Variants in SEC14L1 observed in about 807,000 individuals in gnomAD.
SEC14L1 encodes SEC14-like protein 1.
SEC14L1 carries 48 observed loss-of-function variants against 85.3 expected under a neutral mutation model. The observed-to-expected ratio is 0.56, with a 90% CI of 0.45 to 0.72. The LOEUF (loss-of-function observed/expected upper bound fraction) is 0.72, where lower values mean the gene tolerates loss of function less well. Among genes scored for constraint, SEC14L1 ranks in the 30% least tolerant of loss-of-function variants. The pLI is 0.00. For missense variants in SEC14L1, 682 were observed against 921.4 expected, an observed-to-expected ratio of 0.74 and a Z score of 3.36; for synonymous variants, 391 against 355.5, an observed-to-expected ratio of 1.10 and a Z score of -1.12.
chr17:77,183,683 G>T (rs1975143434), intron 3 of SEC14L1, among the ~76,000 whole-genome samples: 1 of 152,178 alleles, frequency 6.6e-6, no homozygotes, highest in African/African-American at 2.4e-5. Context: ...ACGCATGGTT[G>T]CATTTCCTTG....
At chr17:77,092,951 C>CA (rs35244244) in intron 2 of SEC14L1, among the ~76,000 whole-genome samples, 2,008 of 84,192 alleles carry the variant, frequency 0.024, 31 homozygotes, top group Non-Finnish European at 0.035. Flanking sequence ...AACTCCGTCT[C>CA]AAAAAAAAAA....
chr17:77,206,615 T>C lies in SEC14L1; in HGVS notation c.1342-113T>C. ...AAATAGACTTTACAGAAGAAGTATATAAACTTGAATGTCTTCCCCCCACCC... is the reference window on the plus strand; with the variant it reads ...AAATAGACTTTACAGAAGAAGTATACAAACTTGAATGTCTTCCCCCCACCC... On this transcript the variant is annotated intron_variant, in intron 12 of 16. Coordinates refer to ENST00000436233, the MANE Select transcript of SEC14L1 (RefSeq NM_001143998.2). The surrounding 1 kb of genome is among the most constrained non-coding windows in gnomAD (Gnocchi z 4.3). The C allele has an allele frequency of 4.5e-6, 6 of 1,346,022 alleles. No individual in the cohort carries two copies. The highest frequency in any genetic ancestry group is 6.1e-6 in the Non-Finnish European group (6 of 976,854). 83.4% of individuals were successfully genotyped at this position (1,346,022 alleles called of 1,614,324 possible).
chr17:77,105,381 C>CT (rs1971889417), intron 3 of SEC14L1, among the ~76,000 whole-genome samples: 1 of 111,960 alleles, frequency 8.9e-6, no homozygotes, highest in Non-Finnish European at 1.8e-5. Flanking sequence ...CCACCCCCCC[C>CT]CCCACCCCAC....
Position 77,209,573 on chromosome 17 carries a change from C to A in SEC14L1, c.1611+97C>A. 4.5e-6 allele frequency: 6 copies of A among 1,328,182 alleles called. No homozygotes were observed. In the South Asian group the frequency reaches 8.7e-5, roughly 19 times the overall value. The allele number at this position is 1,328,182 out of a possible 1,614,324, so 82.3% of individuals were successfully genotyped here. ...TGGCAGCCTTTCATTCAGAACAGTC[C>A]ACTCGTTTTTCTGCTCTTTGTCTTT... On this transcript the variant is annotated intron_variant, in intron 14 of 16. Coordinates refer to ENST00000436233, the MANE Select transcript of SEC14L1 (RefSeq NM_001143998.2).
rs566810714 is a variant in SEC14L1, at chr17:77,215,893, G to T, written c.*1870G>T. 1.0e-6 allele frequency: 1 copy of T among 977,882 alleles called. No individual in the cohort carries two copies. The highest frequency in any genetic ancestry group is 1.9e-5 in the African/African-American group (1 of 53,814). The allele number at this position is 977,882 out of a possible 1,614,324, so 60.6% of individuals were successfully genotyped here. A position where few individuals can be genotyped will look rare whatever the true frequency, so the allele number is the denominator to read the frequency against. On this transcript the variant is annotated 3_prime_UTR_variant, in exon 17 of 17. Coordinates refer to ENST00000436233, the MANE Select transcript of SEC14L1 (RefSeq NM_001143998.2). ...TAGGTAGGGTTCGTAGGTAGGGTTC[G>T]TAGGTAGGGCTAGTAGGTAGGGTTA...
chr17:77,212,003 G>T lies in SEC14L1; in HGVS notation c.1665G>T (p.Val555=). 3 of 1,614,124 alleles carry T rather than the reference G, an allele frequency of 1.9e-6. No individual in the cohort carries two copies. The highest frequency in any genetic ancestry group is 1.7e-6 in the Non-Finnish European group (2 of 1,180,036). The change falls in exon 15 of 17, where the codon GTG becomes GTT. Residue 555 remains valine (V), a synonymous_variant. Transcript: ENST00000436233. ...CAGTCATCACTTGGGATTTCGACGT[G>T]TGCAAAGGGGACATTGTGTTTAACA... ...ASSVITWDFD[V]CKGDIVFNIY... is the part of the protein sequence containing the mutation.
intron 3 of SEC14L1, among the ~76,000 whole-genome samples, chr17:77,170,895 T>G (rs1250691696): frequency 6.6e-6 from 1 of 152,192 alleles, no homozygotes; most frequent in Non-Finnish European, 1.5e-5. Flanking sequence ...ATTCCAAACC[T>G]AGGTATAATT....
At chr17:77,091,537 G>A (rs1005328465) in intron 2 of SEC14L1, among the ~76,000 whole-genome samples, 8 of 152,206 alleles carry the variant, frequency 5.3e-5, no homozygotes, top group Non-Finnish European at 7.3e-5. Context: ...ATCCAGAGCA[G>A]CCGCAAGCCA....
At chr17:77,203,010 C>T (rs917797352) in intron 9 of SEC14L1, among the ~76,000 whole-genome samples, 1 of 150,972 alleles carries the variant, frequency 6.6e-6, no homozygotes, top group Non-Finnish European at 1.5e-5. Flanking sequence ...AGAATGTTCT[C>T]ATTTGTCTTG....
At position 77,200,681 on chromosome 17, in the gene SEC14L1, A is replaced by G; in HGVS notation, c.1009+8A>G. 3.7e-6 allele frequency: 6 copies of G among 1,609,130 alleles called. No individual in the cohort carries two copies. The Middle Eastern group carries it at 6.6e-4, about 178-fold the overall frequency. ...GGCATCATCACGACAAAGGTACCGGATGGAGTTGAAACTGTGTTTCCATCG... is the reference window on the plus strand; with the variant it reads ...GGCATCATCACGACAAAGGTACCGGGTGGAGTTGAAACTGTGTTTCCATCG... On this transcript the variant is annotated splice_region_variant and intron_variant, in intron 9 of 16. Coordinates refer to ENST00000436233, the MANE Select transcript of SEC14L1 (RefSeq NM_001143998.2).
At chr17:77,128,697 A>G (rs1184575729) in intron 3 of SEC14L1, among the ~76,000 whole-genome samples, 2 of 151,670 alleles carry the variant, frequency 1.3e-5, no homozygotes, top group African/African-American at 4.8e-5. Flanking sequence ...CAGGTGATCC[A>G]CCTGCCTCGG....
At chr17:77,136,259 CT>C (rs1373779392), upstream of SEC14L1, among the ~76,000 whole-genome samples, 1 of 148,450 alleles carries the variant, frequency 6.7e-6, no homozygotes, top group Admixed American at 6.8e-5. Flanking sequence ...TCCTTTCTTT[CT>C]TTCTCTCTTT....
chr17:77,169,023 T>TC (rs1408698099), intron 3 of SEC14L1, among the ~76,000 whole-genome samples: 1 of 144,432 alleles, frequency 6.9e-6, no homozygotes, highest in African/African-American at 2.6e-5. Flanking sequence ...TTTTTTTTTT[T>TC]TTTTTTTTTT....
chr17:77,157,989 T>C (rs1366495166), intron 3 of SEC14L1, among the ~76,000 whole-genome samples: 1 of 152,074 alleles, frequency 6.6e-6, no homozygotes, highest in Non-Finnish European at 1.5e-5. Flanking sequence ...GTTTATTTAG[T>C]GATGTCCACG....
chr17:77,115,701 T>C (rs1972155464), intron 3 of SEC14L1, among the ~76,000 whole-genome samples: 2 of 152,152 alleles, frequency 1.3e-5, no homozygotes. Flanking sequence ...GAGCATGTTC[T>C]CTTGCTTTCA....
chr17:77,092,951 CAAA>C (rs35244244), intron 2 of SEC14L1, among the ~76,000 whole-genome samples: 29 of 84,442 alleles, frequency 3.4e-4, no homozygotes, highest in African/African-American at 1.0e-3. Flanking sequence ...AACTCCGTCT[CAAA>C]AAAAAAAAAA....
chr17:77,145,848 A>G (rs1013532026), intron 3 of SEC14L1, among the ~76,000 whole-genome samples: 5 of 152,220 alleles, frequency 3.3e-5, no homozygotes, highest in South Asian at 2.1e-4. Flanking sequence ...GCCTGGCTCC[A>G]TGTGCTGGAG....
chr17:77,204,172 C>T (rs942650448), intron 10 of SEC14L1, among the ~76,000 whole-genome samples: 10 of 152,006 alleles, frequency 6.6e-5, no homozygotes, highest in African/African-American at 1.9e-4. Context: ...ACTTAAAAGA[C>T]GTATTTATAG....
At position 77,215,723 on chromosome 17, in the gene SEC14L1, CGTAGGTAGGGCTA is replaced by C. The variant is rs1977004947; in HGVS notation, c.*1711_*1723del. On this transcript the variant is annotated 3_prime_UTR_variant, in exon 17 of 17. Coordinates refer to ENST00000436233, the MANE Select transcript of SEC14L1 (RefSeq NM_001143998.2). ...TGCTTCCGGAAAGCGCGGTAGGGTT[CGTAGGTAGGGCTA>C]GTAGGTAGGGTTAGTAGGTAGGGCT... The C allele has an allele frequency of 6.1e-6, 6 of 991,052 alleles. No individual in the cohort carries two copies. The South Asian group carries it at 2.6e-4, about 44-fold the overall frequency. 61.4% of individuals were successfully genotyped at this position (991,052 alleles called of 1,614,324 possible).
Sources: gnomAD v4.1 joint callset for allele counts (sites outside exome capture counted in the v4.1 genomes callset) on GRCh38, gnomAD v4.1.1 for gene constraint, Gnocchi (gnomAD v3.1) non-coding constraint, MANE v1.5 for transcripts, NCBI Gene and HGNC (gene_info 2026-07-23, HGNC 2026-07-21) for gene names.